PCDHA4: variants seen among roughly 807,000 people sequenced by gnomAD.
PCDHA4 encodes protocadherin alpha-4.
Under a neutral mutation model 61.4 loss-of-function variants are expected in PCDHA4, and 49 were observed. The observed-to-expected ratio is 0.80, with a 90% CI of 0.63 to 1.01. The LOEUF is 1.01. Among genes scored for constraint, PCDHA4 ranks in the 50% least tolerant of loss-of-function variants. The probability of loss-of-function intolerance (pLI) is 0.00; values close to 1 mark genes in which losing one functional copy is unlikely to be tolerated. For synonymous variants in PCDHA4, 590 were observed against 550.3 expected, an observed-to-expected ratio of 1.07 and a Z score of -1.01; for missense variants, 1,254 against 1,235.8, an observed-to-expected ratio of 1.01 and a Z score of -0.22.
At chr5:140,810,171 AGTT>A (rs1764612189) in intron 1 of PCDHA4, 1 of 152,272 alleles carries the variant, frequency 6.6e-6, no homozygotes. Flanking sequence ...TGTTATATGT[AGTT>A]GTAGTTTATT....
chr5:140,985,018 A>G (rs1384418667), intron 3 of PCDHA4, among the ~76,000 whole-genome samples: 2 of 152,026 alleles, frequency 1.3e-5, no homozygotes, highest in Non-Finnish European at 2.9e-5. Flanking sequence ...GCTCACAGCA[A>G]CCTCTGCCTC....
At chr5:141,007,891 T>G (rs2098350311) in intron 3 of PCDHA4, among the ~76,000 whole-genome samples, 1 of 152,232 alleles carries the variant, frequency 6.6e-6, no homozygotes, top group Admixed American at 6.5e-5. Flanking sequence ...CTTTAAAAAT[T>G]TATTGTTCTT....
chr5:140,882,577 C>G, intron 1 of PCDHA4: 3 of 1,614,238 alleles, frequency 1.9e-6, no homozygotes, highest in Non-Finnish European at 2.5e-6. Flanking sequence ...CGGAGTGCAG[C>G]ATCCACCTGG....
At position 140,807,296 on chromosome 5, in the gene PCDHA4, G is replaced by A. The variant is rs528454810; in HGVS notation, c.109G>A (p.Glu37Lys). 2.2e-5 allele frequency: 36 copies of A among 1,614,062 alleles called. No individual in the cohort carries two copies. The East Asian group carries it at 4.0e-4, about 18-fold the overall frequency. ...CGGTCAGCTCCACTACTCGGTCTCCGAGGAGGCCAAACACGGCACCTTCGT... is the reference window on the plus strand; with the variant it reads ...CGGTCAGCTCCACTACTCGGTCTCCAAGGAGGCCAAACACGGCACCTTCGT... ...GNGQLHYSVS[E>K]EAKHGTFVGR... The change falls in exon 1 of 4, where the codon GAG (glutamate) becomes AAG (lysine). Residue 37 changes from glutamate (E) to lysine (K), a missense_variant. Coordinates refer to ENST00000530339, the MANE Select transcript of PCDHA4 (RefSeq NM_018907.4).
intron 1 of PCDHA4, chr5:140,841,825 A>G (rs1422577295): frequency 5.0e-6 from 8 of 1,613,926 alleles, no homozygotes; most frequent in Non-Finnish European, 6.8e-6. Context: ...ACTCCGTGTT[A>G]ACCTACAGGC....
chr5:140,832,937 G>A (rs1470692327), intron 1 of PCDHA4, among the ~76,000 whole-genome samples: 1 of 152,104 alleles, frequency 6.6e-6, no homozygotes, highest in African/African-American at 2.4e-5. Flanking sequence ...TGAGAAGAGA[G>A]TAACTTAAGT....
intron 1 of PCDHA4, among the ~76,000 whole-genome samples, chr5:140,965,769 A>G (rs571022357): frequency 2.0e-5 from 3 of 152,376 alleles, no homozygotes; most frequent in Admixed American, 2.0e-4. Flanking sequence ...GTCAAATAAT[A>G]GATTTGCCTA....
rs1489888830 is a variant in PCDHA4, at chr5:140,987,480, A to G, written c.2533+4917A>G. ...TGTTAAGAGCTCAAGCTTGGGAGTC[A>G]GTGACCCTTTCTGAATTCTACCTCT... is the stretch of plus-strand genomic sequence containing the variant. On this transcript the variant is annotated intron_variant, in intron 3 of 3. Coordinates refer to ENST00000530339, the MANE Select transcript of PCDHA4 (RefSeq NM_018907.4). Among the ~76,000 whole-genome samples, 6 of 152,310 alleles carry G rather than the reference A, an allele frequency of 3.9e-5. No homozygotes were observed. The South Asian group carries it at 1.2e-3, about 32-fold the overall frequency.
intron 1 of PCDHA4, chr5:140,870,953 C>A: frequency 1.2e-6 from 2 of 1,613,668 alleles, no homozygotes; most frequent in Non-Finnish European, 1.7e-6. Flanking sequence ...GCGGGCGGCT[C>A]GCGCATCCCG....
At chr5:140,824,066 C>A (rs1554129713) in intron 1 of PCDHA4, 1 of 1,614,046 alleles carries the variant, frequency 6.2e-7, no homozygotes, top group African/African-American at 1.3e-5. Context: ...GAAGCTCCAC[C>A]CAAAACAGAC....
At chr5:140,889,332 G>T (rs1387530088) in intron 1 of PCDHA4, among the ~76,000 whole-genome samples, 1 of 151,982 alleles carries the variant, frequency 6.6e-6, no homozygotes, top group African/African-American at 2.4e-5. Flanking sequence ...TCAGGATTTT[G>T]ATTGGTGGGA....
chr5:140,943,742 T>C (rs1326111617), intron 1 of PCDHA4, among the ~76,000 whole-genome samples: 2 of 152,200 alleles, frequency 1.3e-5, no homozygotes, highest in Non-Finnish European at 2.9e-5. Context: ...GTCCACAGTC[T>C]AAAAGCAGTA....
chr5:140,845,591 A>G (rs1416942970), intron 1 of PCDHA4, among the ~76,000 whole-genome samples: 2 of 149,444 alleles, frequency 1.3e-5, no homozygotes, highest in African/African-American at 4.9e-5. Context: ...AATGTGTCAG[A>G]AGTTAGTTAT....
At chr5:141,003,928 G>A (rs1479798792) in intron 3 of PCDHA4, among the ~76,000 whole-genome samples, 1 of 152,128 alleles carries the variant, frequency 6.6e-6, no homozygotes, top group Non-Finnish European at 1.5e-5. Context: ...CCTCAGTCTT[G>A]TCTTTGCCTG....
intron 1 of PCDHA4, chr5:140,927,776 T>C (rs781966197): frequency 7.4e-6 from 12 of 1,614,140 alleles, no homozygotes; most frequent in South Asian, 1.1e-5. Flanking sequence ...GAGGTGCAAG[T>C]AGCTGCTTCA....
intron 1 of PCDHA4, chr5:140,836,884 T>A (rs1387111400): frequency 1.6e-6 from 1 of 642,656 alleles, no homozygotes; most frequent in Non-Finnish European, 2.5e-6. Flanking sequence ...TTGCACTAAT[T>A]ATTTGGAAGT....
Position 141,000,581 on chromosome 5 carries a change from C to G in PCDHA4, c.2534-9046C>G, listed in dbSNP as rs960660351. On this transcript the variant is annotated intron_variant, in intron 3 of 3. Transcript: ENST00000530339. ...TAGCTGGGATTACAGGTGCCTGCCA[C>G]CATGCCCAGCTAATTTTTGTATTTT... is the stretch of plus-strand genomic sequence containing the variant. 2.0e-5 allele frequency among the ~76,000 whole-genome samples: 3 copies of G among 150,722 alleles called. No individual in the cohort carries two copies. In the East Asian group the frequency reaches 5.8e-4, roughly 29 times the overall value.
chr5:140,916,957 T>C (rs1478651535), intron 1 of PCDHA4, among the ~76,000 whole-genome samples: 1 of 152,224 alleles, frequency 6.6e-6, no homozygotes, highest in African/African-American at 2.4e-5. Context: ...TGCTGAGTTC[T>C]GACTGCTGGG....
rs781975666 is a variant in PCDHA4, at chr5:140,856,109, G to A, written c.2385+46537G>A. 6.9e-6 allele frequency: 11 copies of A among 1,597,740 alleles called. 1 individual carries two copies. The highest frequency in any genetic ancestry group is 4.0e-5 in the African/African-American group (3 of 74,230). On this transcript the variant is annotated intron_variant, in intron 1 of 3. Transcript: ENST00000530339. The stretch of plus-strand genomic sequence containing the variant: ...TCTGCTGCTCTCGCTTCTTCTCCTC[G>A]CAGCCTGGGAGGTGGGGAGCGGCCA...
Sources: allele counts gnomAD v4.1 joint callset (sites outside exome capture counted in the v4.1 genomes callset), GRCh38; gene constraint gnomAD v4.1.1; transcripts MANE v1.5; gene names NCBI Gene and HGNC (gene_info 2026-07-23, HGNC 2026-07-21).